Variants in GRM5 observed in about 807,000 individuals in gnomAD.
GRM5 encodes the protein glutamate metabotropic receptor 5, also known as metabotropic glutamate receptor 5.
Under a neutral mutation model 83.1 loss-of-function variants are expected in GRM5, and 19 were observed. The ratio of observed to expected loss-of-function variants is 0.23; its 90% confidence interval spans 0.16 to 0.34. The LOEUF is 0.34. Ranked by LOEUF, GRM5 falls within the 10% of genes least tolerant of loss-of-function variation. The pLI is 1.00. For synonymous variants in GRM5, 675 were observed against 633.6 expected, an observed-to-expected ratio of 1.07 and a Z score of -0.98; for missense variants, 1,160 against 1,588.3, an observed-to-expected ratio of 0.73 and a Z score of 4.58.
chr11:88,827,546 A>G (rs1255821974), intron 3 of GRM5, among the ~76,000 whole-genome samples: 7 of 152,218 alleles, frequency 4.6e-5, no homozygotes, highest in Non-Finnish European at 8.8e-5. Context: ...CTCTTTGAAC[A>G]GCTGACTGTG....
chr11:88,633,272 C>A (rs530902087), intron 4 of GRM5, among the ~76,000 whole-genome samples: 28 of 152,234 alleles, frequency 1.8e-4, no homozygotes, highest in African/African-American at 6.7e-4. Flanking sequence ...TCATCTACCC[C>A]AATTATAGGT....
intron 2 of GRM5, among the ~76,000 whole-genome samples, chr11:88,919,515 A>G (rs1822718570): frequency 6.6e-6 from 1 of 151,290 alleles, no homozygotes. Flanking sequence ...CAATAAAGAA[A>G]TATCAGACTT....
chr11:88,690,799 G>T (rs1302233704), intron 3 of GRM5, among the ~76,000 whole-genome samples: 2 of 152,144 alleles, frequency 1.3e-5, no homozygotes, highest in East Asian at 3.8e-4. Context: ...AGGTTTCTTG[G>T]CCAGAGGTAC....
At chr11:88,637,843 G>T (rs58665741) in intron 4 of GRM5, among the ~76,000 whole-genome samples, 1 of 149,048 alleles carries the variant, frequency 6.7e-6, no homozygotes, top group Admixed American at 6.7e-5. Context: ...CTGCTATAAA[G>T]ACACATGCAC....
chr11:88,595,397 C>G (rs936692319), intron 6 of GRM5, among the ~76,000 whole-genome samples: 1 of 152,138 alleles, frequency 6.6e-6, no homozygotes, highest in Admixed American at 6.5e-5. Context: ...TCCTATCCCT[C>G]TCTTCCTCCT....
At position 88,508,344 on chromosome 11, in the gene GRM5, A is replaced by C. The variant is rs202237289; in HGVS notation, c.*248T>G. 1 of 411,344 alleles carries C rather than the reference A, an allele frequency of 2.4e-6. No individual in the cohort carries two copies. Among genetic ancestry groups the C allele is most frequent in the Non-Finnish European group, 4.3e-6 (1 of 232,172 alleles). The allele number at this position is 411,344 out of a possible 1,614,324, so 25.5% of individuals were successfully genotyped here. A position where few individuals can be genotyped will look rare whatever the true frequency, so the allele number is the denominator to read the frequency against. On this transcript the variant is annotated 3_prime_UTR_variant, in exon 10 of 10. Coordinates refer to ENST00000305447, the MANE Select transcript of GRM5 (RefSeq NM_001143831.3). This position sits in a 1 kb window ranked among gnomAD's most constrained non-coding sequence, Gnocchi z 4.2. Reference sequence around the variant, plus strand: ...AGAGACGCCTTGTCAGCCCTCAAAGATATCAGCCGTGTTTCTTAAAAGCCC... The same window carrying C: ...AGAGACGCCTTGTCAGCCCTCAAAGCTATCAGCCGTGTTTCTTAAAAGCCC...
At chr11:88,669,855 G>A (rs995998210) in intron 3 of GRM5, among the ~76,000 whole-genome samples, 38 of 151,944 alleles carry the variant, frequency 2.5e-4, no homozygotes, top group Admixed American at 1.4e-3. Context: ...TCTTAAAGTC[G>A]ATTACAGATG....
At chr11:88,981,039 T>G (rs1939502982) in intron 2 of GRM5, among the ~76,000 whole-genome samples, 1 of 151,996 alleles carries the variant, frequency 6.6e-6, no homozygotes. Context: ...TTTAAAAAAA[T>G]CTATGGTTAG....
At chr11:88,562,881 G>T (rs1205835161) in intron 8 of GRM5, among the ~76,000 whole-genome samples, 1 of 152,142 alleles carries the variant, frequency 6.6e-6, no homozygotes, top group Non-Finnish European at 1.5e-5. Flanking sequence ...ATGGGACTCT[G>T]AGAAGACTTT....
chr11:88,629,506 A>G (rs1286753940), intron 4 of GRM5, among the ~76,000 whole-genome samples: 1 of 152,178 alleles, frequency 6.6e-6, no homozygotes. Flanking sequence ...TTTGGGAATT[A>G]GAATGCCTTC....
At chr11:88,874,972 C>T (rs952215060) in intron 2 of GRM5, among the ~76,000 whole-genome samples, 1 of 151,852 alleles carries the variant, frequency 6.6e-6, no homozygotes, top group African/African-American at 2.4e-5. Context: ...GATAGAGGAT[C>T]TTGTCTTGAT....
intron 3 of GRM5, among the ~76,000 whole-genome samples, chr11:88,665,505 A>G (rs1354386790): frequency 6.6e-6 from 1 of 152,212 alleles, no homozygotes; most frequent in Non-Finnish European, 1.5e-5. Flanking sequence ...ACATTTATTT[A>G]ATATAGTTTC....
chr11:88,978,088 C>T (rs545646127), intron 2 of GRM5, among the ~76,000 whole-genome samples: 1 of 152,290 alleles, frequency 6.6e-6, no homozygotes, highest in South Asian at 2.1e-4. Flanking sequence ...TGAAGCCAAC[C>T]TTCCTCACAA....
intron 3 of GRM5, among the ~76,000 whole-genome samples, chr11:88,778,859 A>C (rs1942915634): frequency 6.6e-6 from 1 of 152,182 alleles, no homozygotes; most frequent in Admixed American, 6.5e-5. Context: ...GAAAATTTTC[A>C]CTTAGGCTTC....
At chr11:88,779,054 C>T (rs146448971) in intron 3 of GRM5, among the ~76,000 whole-genome samples, 62 of 152,290 alleles carry the variant, frequency 4.1e-4, no homozygotes, top group Middle Eastern at 6.8e-3. Flanking sequence ...TTAATTCTCA[C>T]AAAAATCTTT....
intron 2 of GRM5, among the ~76,000 whole-genome samples, chr11:88,898,995 G>T (rs564775364): frequency 6.6e-6 from 1 of 151,820 alleles, no homozygotes; most frequent in Non-Finnish European, 1.5e-5. Flanking sequence ...GGTGGTATTC[G>T]AACGAATCAA....
intron 3 of GRM5, among the ~76,000 whole-genome samples, chr11:88,765,784 A>C (rs1942615261): frequency 6.6e-6 from 1 of 151,884 alleles, no homozygotes; most frequent in Non-Finnish European, 1.5e-5. Flanking sequence ...TGTATTTGGG[A>C]ATGATTTGTT....
intron 3 of GRM5, among the ~76,000 whole-genome samples, chr11:88,781,620 C>G (rs180700474): frequency 2.0e-5 from 3 of 152,172 alleles, no homozygotes; most frequent in African/African-American, 7.2e-5. Flanking sequence ...CTGGTTGCAT[C>G]CAGCAGGTCC....
chr11:88,993,556 A>C (rs114435095), intron 2 of GRM5, among the ~76,000 whole-genome samples: 3,199 of 152,218 alleles, frequency 0.021, 116 homozygotes, highest in African/African-American at 0.074. Context: ...TCTTTCTCAA[A>C]ATTGCTTTGG....
Sources: gnomAD v4.1 joint callset for allele counts (sites outside exome capture counted in the v4.1 genomes callset) on GRCh38, gnomAD v4.1.1 for gene constraint, Gnocchi (gnomAD v3.1) non-coding constraint, MANE v1.5 for transcripts, NCBI Gene and HGNC (gene_info 2026-07-23, HGNC 2026-07-21) for gene names.